The following SEMA3C variants were observed in gnomAD, a reference collection of about 807,000 sequenced individuals.
The protein encoded by SEMA3C is semaphorin 3C.
In SEMA3C, 47 loss-of-function variants were observed where a neutral mutation model predicts 89.4. That is an observed-to-expected ratio of 0.53 (90% CI 0.42 to 0.67). SEMA3C has a LOEUF of 0.67. Among genes scored for constraint, SEMA3C ranks in the 30% least tolerant of loss-of-function variants. The pLI is 0.00. For missense variants in SEMA3C, 839 were observed against 929.1 expected, an observed-to-expected ratio of 0.90 and a Z score of 1.26; for synonymous variants, 310 against 320.2, an observed-to-expected ratio of 0.97 and a Z score of 0.34.
At chr7:80,776,545 G>A (rs1007928249) in intron 12 of SEMA3C, among the ~76,000 whole-genome samples, 3 of 152,054 alleles carry the variant, frequency 2.0e-5, no homozygotes, top group Admixed American at 6.6e-5. Flanking sequence ...TTTACTCCCC[G>A]TAGTCTGAAA....
At chr7:80,851,275 G>T (rs372473692) in intron 2 of SEMA3C, among the ~76,000 whole-genome samples, 1 of 151,992 alleles carries the variant, frequency 6.6e-6, no homozygotes, top group Non-Finnish European at 1.5e-5. Flanking sequence ...TGGAGGCCAT[G>T]GTGGGTAGAT....
At chr7:80,821,185 C>A (rs1303698727) in intron 4 of SEMA3C, among the ~76,000 whole-genome samples, 2 of 152,112 alleles carry the variant, frequency 1.3e-5, no homozygotes, top group Admixed American at 6.6e-5. Context: ...TTATAGCTGA[C>A]ATTTATTTAA....
rs1788181433 is a variant in SEMA3C, at chr7:80,761,484, T to G, written c.1485+132A>C. 3 of 482,738 alleles carry G rather than the reference T, an allele frequency of 6.2e-6. No individual in the cohort carries two copies. The South Asian group carries it at 8.1e-5, about 13-fold the overall frequency. The allele number at this position is 482,738 out of a possible 1,614,324, so 29.9% of individuals were successfully genotyped here. On this transcript the variant is annotated intron_variant, in intron 14 of 17. Transcript: ENST00000265361. ...TCTACATCAAAATTAAAGGTGACTTTGCGGTATACTTTAAGTAGTACTCTT... is the reference window on the plus strand; with the variant it reads ...TCTACATCAAAATTAAAGGTGACTTGGCGGTATACTTTAAGTAGTACTCTT...
intron 16 of SEMA3C, among the ~76,000 whole-genome samples, chr7:80,749,259 A>G (rs1431492705): frequency 6.6e-6 from 1 of 152,202 alleles, no homozygotes; most frequent in African/African-American, 2.4e-5. Context: ...CAATGTTGAT[A>G]AGAAAATCAT....
intron 2 of SEMA3C, among the ~76,000 whole-genome samples, chr7:80,911,778 T>C (rs1012828187): frequency 2.6e-4 from 39 of 152,062 alleles, no homozygotes; most frequent in African/African-American, 7.0e-4. Context: ...GGACTACAGG[T>C]GGCCACCACC....
At chr7:80,889,514 G>A (rs1791561627) in intron 2 of SEMA3C, among the ~76,000 whole-genome samples, 1 of 151,940 alleles carries the variant, frequency 6.6e-6, no homozygotes, top group South Asian at 2.1e-4. Flanking sequence ...CTGTAATATA[G>A]GTTCTAAATT....
intron 12 of SEMA3C, among the ~76,000 whole-genome samples, chr7:80,786,343 T>C (rs570772452): frequency 6.6e-6 from 1 of 151,820 alleles, no homozygotes; most frequent in Admixed American, 6.6e-5. Context: ...ATTCCACCCA[T>C]GAACTCTACA....
intron 2 of SEMA3C, chr7:80,905,799 A>T: frequency 8.4e-7 from 1 of 1,190,206 alleles, no homozygotes; most frequent in Non-Finnish European, 1.1e-6. Flanking sequence ...GCCTGGTGTA[A>T]TATTTACATG....
chr7:80,758,983 C>T (rs759164519), intron 14 of SEMA3C, among the ~76,000 whole-genome samples: 28 of 152,070 alleles, frequency 1.8e-4, no homozygotes, highest in Admixed American at 6.6e-4. Flanking sequence ...ATATTTTGGT[C>T]ACATGCCTTT....
chr7:80,752,146 A>G (rs892268022), intron 15 of SEMA3C, among the ~76,000 whole-genome samples: 1 of 152,214 alleles, frequency 6.6e-6, no homozygotes, highest in Non-Finnish European at 1.5e-5. Flanking sequence ...ATAACAATAT[A>G]ATTATCTAAA....
At chr7:80,785,534 T>A (rs1228242044) in intron 12 of SEMA3C, among the ~76,000 whole-genome samples, 1 of 152,154 alleles carries the variant, frequency 6.6e-6, no homozygotes. Context: ...AGATATATAA[T>A]GCTAGGAAAT....
At chr7:80,761,226 T>C (rs554169436) in intron 14 of SEMA3C, among the ~76,000 whole-genome samples, 9 of 152,296 alleles carry the variant, frequency 5.9e-5, no homozygotes, top group Non-Finnish European at 7.3e-5. Flanking sequence ...GAACTCAGGA[T>C]TGATTACTCA....
chr7:80,748,055 C>T (rs1787839365), intron 17 of SEMA3C, among the ~76,000 whole-genome samples: 2 of 152,084 alleles, frequency 1.3e-5, no homozygotes, highest in South Asian at 2.1e-4. Context: ...AACCAAATTG[C>T]CCACAACAGA....
intron 2 of SEMA3C, 107 bp downstream of exon 2, chr7:80,916,572 A>T: frequency 3.1e-6 from 3 of 981,628 alleles, no homozygotes; most frequent in South Asian, 4.8e-5. Flanking sequence ...AAATATTTTT[A>T]AAATTAATAT....
At chr7:80,804,871 T>C (rs1182370133) in intron 7 of SEMA3C, among the ~76,000 whole-genome samples, 1 of 152,176 alleles carries the variant, frequency 6.6e-6, no homozygotes, top group East Asian at 1.9e-4. Flanking sequence ...TTCACTGTGG[T>C]GATTCATGCT....
chr7:80,888,448 G>A (rs888284128), intron 2 of SEMA3C, among the ~76,000 whole-genome samples: 2 of 152,034 alleles, frequency 1.3e-5, no homozygotes, highest in Non-Finnish European at 2.9e-5. Flanking sequence ...TAGGTGATGG[G>A]AGTGAGACCC....
At chr7:80,819,278 C>T (rs964614246) in intron 4 of SEMA3C, among the ~76,000 whole-genome samples, 6 of 143,224 alleles carry the variant, frequency 4.2e-5, no homozygotes, top group Admixed American at 2.7e-4. Flanking sequence ...TATAATCCAC[C>T]GCAGATAGTA....
At chr7:80,835,620 A>C (rs1790107507) in intron 2 of SEMA3C, among the ~76,000 whole-genome samples, 1 of 152,184 alleles carries the variant, frequency 6.6e-6, no homozygotes, top group Non-Finnish European at 1.5e-5. Context: ...GTGAAACTTC[A>C]GCGGACTGAA....
chr7:80,760,195 T>TCAAA (rs1788154263), intron 14 of SEMA3C, among the ~76,000 whole-genome samples: 1 of 152,342 alleles, frequency 6.6e-6, no homozygotes, highest in East Asian at 1.9e-4. Context: ...TATCCTTGCC[T>TCAAA]TGAATCTCAC....
Sources: allele counts gnomAD v4.1 joint callset (sites outside exome capture counted in the v4.1 genomes callset), GRCh38; gene constraint gnomAD v4.1.1; transcripts MANE v1.5; gene names NCBI Gene and HGNC (gene_info 2026-07-23, HGNC 2026-07-21).